SGCZ: variants seen among roughly 807,000 people sequenced by gnomAD.
SGCZ encodes the protein sarcoglycan zeta, also known as zeta-sarcoglycan.
A neutral mutation model predicts 41.3 loss-of-function variants in SGCZ; 40 were observed. The observed-to-expected ratio is 0.97, with a 90% CI of 0.75 to 1.26. The LOEUF is 1.26. Ranked by LOEUF, SGCZ falls within the 50% of genes most tolerant of loss-of-function variation. The pLI is 0.00. For missense variants in SGCZ, 552 were observed against 369.8 expected (o/e 1.49, Z -4.04); for synonymous variants, 206 against 137.5 (o/e 1.50, Z -3.49).
At chr8:14,416,838 AG>A (rs1365985354) in intron 2 of SGCZ, among the ~76,000 whole-genome samples, 15 of 151,898 alleles carry the variant, frequency 9.9e-5, no homozygotes, top group African/African-American at 3.6e-4. Flanking sequence ...AGTTTATTGA[AG>A]ATTAAGTAGA....
intron 1 of SGCZ, among the ~76,000 whole-genome samples, chr8:14,932,429 C>T (rs2130807578): frequency 6.6e-6 from 1 of 152,004 alleles, no homozygotes; most frequent in East Asian, 1.9e-4. Flanking sequence ...TGCAATAAAA[C>T]TAATTTTGAC....
intron 1 of SGCZ, among the ~76,000 whole-genome samples, chr8:14,610,970 C>A (rs1441286170): frequency 6.6e-6 from 1 of 152,042 alleles, no homozygotes; most frequent in African/African-American, 2.4e-5. Flanking sequence ...ATTACATTTC[C>A]TGTTTTCTTT....
intron 1 of SGCZ, among the ~76,000 whole-genome samples, chr8:14,788,858 C>G (rs1275204705): frequency 1.3e-5 from 2 of 152,110 alleles, no homozygotes; most frequent in African/African-American, 4.8e-5. Context: ...CACCTGTAAC[C>G]CCAGTGCTTT....
chr8:14,982,860 T>C (rs1330671380), intron 1 of SGCZ, among the ~76,000 whole-genome samples: 1 of 152,230 alleles, frequency 6.6e-6, no homozygotes, highest in African/African-American at 2.4e-5. Flanking sequence ...CAACTGCTAC[T>C]GATCGTTCAA....
intron 1 of SGCZ, among the ~76,000 whole-genome samples, chr8:14,664,243 G>A (rs1031768375): frequency 1.3e-5 from 2 of 152,260 alleles, no homozygotes; most frequent in Middle Eastern, 3.4e-3. Context: ...ACAAAAGGCT[G>A]ACTCAATGAC....
chr8:14,755,881 T>A (rs1799650289), intron 1 of SGCZ, among the ~76,000 whole-genome samples: 1 of 151,552 alleles, frequency 6.6e-6, no homozygotes, highest in South Asian at 2.1e-4. Flanking sequence ...AAAGTAAAAA[T>A]AAAAAATAAA....
chr8:14,271,103 T>G (rs1011433611), intron 3 of SGCZ, among the ~76,000 whole-genome samples: 1 of 151,992 alleles, frequency 6.6e-6, no homozygotes, highest in South Asian at 2.1e-4. Context: ...TGTTAAATGA[T>G]GAGTTAATGG....
intron 2 of SGCZ, among the ~76,000 whole-genome samples, chr8:14,488,567 G>C (rs1246200369): frequency 1.3e-5 from 2 of 151,970 alleles, no homozygotes; most frequent in Non-Finnish European, 2.9e-5. Context: ...CAAGGATCTC[G>C]GAGCTAACCC....
intron 1 of SGCZ, among the ~76,000 whole-genome samples, chr8:14,890,613 C>T (rs1804975689): frequency 6.6e-6 from 1 of 152,202 alleles, no homozygotes; most frequent in Admixed American, 6.5e-5. Context: ...GCAGCAAGTG[C>T]TGAAGTAGAC....
intron 2 of SGCZ, among the ~76,000 whole-genome samples, chr8:14,450,355 A>C (rs969485584): frequency 1.3e-5 from 2 of 152,200 alleles, no homozygotes; most frequent in African/African-American, 4.8e-5. Flanking sequence ...TTCAGCCTCC[A>C]CAGGAGAATT....
chr8:14,969,162 G>C (rs1294947783), intron 1 of SGCZ, among the ~76,000 whole-genome samples: 1 of 151,916 alleles, frequency 6.6e-6, no homozygotes, highest in Non-Finnish European at 1.5e-5. Flanking sequence ...AAAAACAGCA[G>C]GTTAAATTTT....
At chr8:14,615,465 A>T (rs1409122337) in intron 1 of SGCZ, among the ~76,000 whole-genome samples, 3 of 152,214 alleles carry the variant, frequency 2.0e-5, no homozygotes, top group Non-Finnish European at 4.4e-5. Context: ...CCTGATTCAT[A>T]AATAGTTCTT....
At chr8:14,132,880 C>G (rs1310531985) in intron 5 of SGCZ, among the ~76,000 whole-genome samples, 1 of 152,084 alleles carries the variant, frequency 6.6e-6, no homozygotes, top group Non-Finnish European at 1.5e-5. Context: ...AATTTATTTG[C>G]TTAGTGACTT....
At chr8:14,245,064 T>G (rs1475180107) in intron 3 of SGCZ, among the ~76,000 whole-genome samples, 2 of 152,202 alleles carry the variant, frequency 1.3e-5, no homozygotes, top group Admixed American at 1.3e-4. Context: ...CTTCCTCTTT[T>G]CCTAATTGAA....
At chr8:14,215,084 T>G (rs1805948725) in intron 4 of SGCZ, among the ~76,000 whole-genome samples, 1 of 152,150 alleles carries the variant, frequency 6.6e-6, no homozygotes, top group Non-Finnish European at 1.5e-5. Context: ...CAAGTGACCA[T>G]AGAACCTTCA....
intron 1 of SGCZ, among the ~76,000 whole-genome samples, chr8:14,854,909 T>A (rs977061897): frequency 4.6e-5 from 7 of 151,390 alleles, no homozygotes; most frequent in African/African-American, 1.7e-4. Flanking sequence ...TGTCAGCATG[T>A]CCACAGGGGC....
intron 1 of SGCZ, among the ~76,000 whole-genome samples, chr8:15,118,862 C>G (rs964487572): frequency 4.6e-5 from 7 of 152,138 alleles, no homozygotes; most frequent in African/African-American, 1.7e-4. Context: ...ACGATACCTG[C>G]TGCTATGGTA....
intron 1 of SGCZ, among the ~76,000 whole-genome samples, chr8:14,678,542 C>A (rs1441937): frequency 0.012 from 1,870 of 152,244 alleles, 31 homozygotes; most frequent in African/African-American, 0.03. Context: ...ACACCAAATG[C>A]TAGTAAGGAT....
At chr8:14,962,180 G>A (rs919596472) in intron 1 of SGCZ, among the ~76,000 whole-genome samples, 12 of 152,142 alleles carry the variant, frequency 7.9e-5, no homozygotes, top group African/African-American at 2.2e-4. Flanking sequence ...TAATTATTAC[G>A]TCAACCAGTT....
Sources: gnomAD v4.1 joint callset for allele counts (sites outside exome capture counted in the v4.1 genomes callset) on GRCh38, gnomAD v4.1.1 for gene constraint, MANE v1.5 for transcripts, NCBI Gene and HGNC (gene_info 2026-07-23, HGNC 2026-07-21) for gene names.